The following ANKRD45 variants were observed in gnomAD, a reference collection of about 807,000 sequenced individuals.
ANKRD45 encodes ankyrin repeat domain-containing protein 45.
ANKRD45 carries 21 observed loss-of-function variants against 28.1 expected under a neutral mutation model. That is an observed-to-expected ratio of 0.75 (90% CI 0.53 to 1.08). The LOEUF is 1.08. Among genes scored for constraint, ANKRD45 ranks in the 50% least tolerant of loss-of-function variants. The pLI, the probability that ANKRD45 is intolerant of heterozygous loss-of-function variation, is 0.00. For synonymous variants in ANKRD45, 86 were observed against 103.9 expected (o/e 0.83, Z 1.05); for missense variants, 261 against 308.7 (o/e 0.85, Z 1.16).
chr1:173,663,697 A>G (rs566286073), intron 1 of ANKRD45, among the ~76,000 whole-genome samples: 2 of 152,370 alleles, frequency 1.3e-5, no homozygotes, highest in South Asian at 4.1e-4. Context: ...GATTTCAAGC[A>G]TAATAGCTGG....
At chr1:173,627,016 A>T in intron 4 of ANKRD45, 49 bp downstream of exon 4, 1 of 1,380,734 alleles carries the variant, frequency 7.2e-7, no homozygotes, top group Non-Finnish European at 1.0e-6. Flanking sequence ...AAAATGTAAG[A>T]CAAAATTCTC....
intron 3 of ANKRD45, among the ~76,000 whole-genome samples, chr1:173,631,371 T>C (rs1377551199): frequency 3.3e-5 from 5 of 152,060 alleles, no homozygotes; most frequent in African/African-American, 7.2e-5. Context: ...AATACAATAA[T>C]AGGTGGAGAC....
chr1:173,663,084 C>T (rs1333884638), intron 1 of ANKRD45, among the ~76,000 whole-genome samples: 1 of 151,682 alleles, frequency 6.6e-6, no homozygotes, highest in African/African-American at 2.4e-5. Context: ...CACACACACA[C>T]ACACACACCT....
the ANKRD45 span, among the ~76,000 whole-genome samples, chr1:173,711,083 T>A: frequency 0.01 from 1,538 of 152,216 alleles, 25 homozygotes; most frequent in African/African-American, 0.034. Context: ...AAACCTTAGG[T>A]CCAACCACTG....
intron 2 of ANKRD45, among the ~76,000 whole-genome samples, chr1:173,654,670 T>A (rs951100372): frequency 9.9e-5 from 15 of 152,240 alleles, no homozygotes; most frequent in African/African-American, 3.6e-4. Context: ...GAAGTTCTCC[T>A]GGATAATATC....
the ANKRD45 span, among the ~76,000 whole-genome samples, chr1:173,700,007 A>C: frequency 6.6e-6 from 1 of 152,228 alleles, no homozygotes; most frequent in African/African-American, 2.4e-5. Context: ...AAAAATCACA[A>C]GCATTCCTAT....
Position 173,635,543 on chromosome 1 carries a change from C to G in ANKRD45, c.497-8384G>C, listed in dbSNP as rs977856958. 8.5e-6 allele frequency: 13 copies of G among 1,530,384 alleles called. No homozygotes were observed. In the Admixed American group the frequency reaches 9.9e-5, roughly 12 times the overall value. The allele number at this position is 1,530,384 out of a possible 1,614,324, so 94.8% of individuals were successfully genotyped here. On this transcript the variant is annotated intron_variant, in intron 3 of 5. Coordinates refer to ENST00000333279, the MANE Select transcript of ANKRD45 (RefSeq NM_198493.3). ...AAGGATGTCTAATCAAAGACTACCGCTGATTTTTTCTCTGTTGTTTATCTG... is the reference window on the plus strand; with the variant it reads ...AAGGATGTCTAATCAAAGACTACCGGTGATTTTTTCTCTGTTGTTTATCTG...
At chr1:173,615,383 C>CAAA (rs60479508) in intron 5 of ANKRD45, among the ~76,000 whole-genome samples, 2 of 87,642 alleles carry the variant, frequency 2.3e-5, no homozygotes, top group African/African-American at 8.3e-5. Flanking sequence ...GACTCCGTCT[C>CAAA]AAAAAAAAAA....
intron 1 of ANKRD45, among the ~76,000 whole-genome samples, chr1:173,668,066 C>T (rs1242825778): frequency 6.6e-6 from 1 of 152,168 alleles, no homozygotes; most frequent in East Asian, 1.9e-4. Flanking sequence ...TTTAAATCCT[C>T]AGTTTAATTT....
At chr1:173,690,821 TAAGGTTC>T in the ANKRD45 span, among the ~76,000 whole-genome samples, 2 of 152,148 alleles carry the variant, frequency 1.3e-5, no homozygotes, top group Non-Finnish European at 2.9e-5. Context: ...GGTTTTGGGG[TAAGGTTC>T]AAGGTTCAAT....
At chr1:173,640,262 G>T (rs891236371) in intron 3 of ANKRD45, among the ~76,000 whole-genome samples, 3 of 151,798 alleles carry the variant, frequency 2.0e-5, no homozygotes, top group Non-Finnish European at 4.4e-5. Context: ...AAGGTCAAAG[G>T]TCTCTTAGCA....
the ANKRD45 span, among the ~76,000 whole-genome samples, chr1:173,677,971 C>A: frequency 6.6e-6 from 1 of 152,032 alleles, no homozygotes. Flanking sequence ...ATTGTTAGCA[C>A]CAGGCCACAA....
intron 5 of ANKRD45, among the ~76,000 whole-genome samples, chr1:173,620,252 C>T (rs932640524): frequency 2.6e-5 from 4 of 152,196 alleles, no homozygotes; most frequent in African/African-American, 9.7e-5. Flanking sequence ...AACAAACTGT[C>T]TCTCAGACCA....
rs779037803 is a variant in ANKRD45, at chr1:173,646,917, C to T, written c.425G>A (p.Arg142Gln). Residue 142 changes from arginine (R) to glutamine (Q), a missense_variant, in exon 3 of 6, where the codon CGG becomes CAG. Arg to Gln is a conservative substitution (Grantham distance 43). Transcript: ENST00000333279. Reference sequence around the variant, plus strand: ...AGCAACATCTCGAGCCCTTTCTTCCCGGAAGTTCAAAGCTTCTATATCAAC... The same window carrying T: ...AGCAACATCTCGAGCCCTTTCTTCCTGGAAGTTCAAAGCTTCTATATCAAC... ...LDVDIEALNF[R>Q]EERARDVAAR... is the part of the protein sequence containing the mutation. 17 of 1,613,986 alleles carry T rather than the reference C, an allele frequency of 1.1e-5. No individual in the cohort carries two copies. Among genetic ancestry groups the T allele is most frequent in the South Asian group, 6.6e-5 (6 of 91,078 alleles).
intron 3 of ANKRD45, among the ~76,000 whole-genome samples, chr1:173,642,231 A>G (rs1668734045): frequency 6.6e-6 from 1 of 152,228 alleles, no homozygotes; most frequent in Admixed American, 6.5e-5. Flanking sequence ...TCACCTCGTT[A>G]GCTCTTGTTA....
At chr1:173,644,717 G>A (rs374295558) in intron 3 of ANKRD45, among the ~76,000 whole-genome samples, 40 of 152,202 alleles carry the variant, frequency 2.6e-4, no homozygotes, top group African/African-American at 8.7e-4. Context: ...AATGTGGGCT[G>A]GGCATGGTGG....
At chr1:173,611,402 T>C (rs1667142588) in intron 5 of ANKRD45, among the ~76,000 whole-genome samples, 1 of 152,166 alleles carries the variant, frequency 6.6e-6, no homozygotes, top group African/African-American at 2.4e-5. Flanking sequence ...ATCATATGAT[T>C]CATGTTAGTT....
At chr1:173,630,214 A>G (rs1234969486) in intron 3 of ANKRD45, among the ~76,000 whole-genome samples, 1 of 152,238 alleles carries the variant, frequency 6.6e-6, no homozygotes, top group Non-Finnish European at 1.5e-5. Context: ...AGAAATCATC[A>G]GAAGATATAA....
intron 2 of ANKRD45, among the ~76,000 whole-genome samples, chr1:173,654,069 TCAGTGTCTTTTAATTGCGG>T (rs1288055867): frequency 1.3e-5 from 2 of 152,136 alleles, no homozygotes; most frequent in Non-Finnish European, 2.9e-5. Flanking sequence ...AATTTGCCAG[TCAGTGTCTTTTAATTGCGG>T]CATTTACATT....
Sources: gnomAD v4.1 joint callset for allele counts (sites outside exome capture counted in the v4.1 genomes callset) on GRCh38, gnomAD v4.1.1 for gene constraint, MANE v1.5 for transcripts, NCBI Gene and HGNC (gene_info 2026-07-23, HGNC 2026-07-21) for gene names.